ZHX2: variants seen among roughly 807,000 people sequenced by gnomAD.
ZHX2 encodes zinc fingers and homeoboxes protein 2.
In ZHX2, 6 loss-of-function variants were observed where a neutral mutation model predicts 21.9. That is an observed-to-expected ratio of 0.27 (90% CI 0.15 to 0.54). The LOEUF (loss-of-function observed/expected upper bound fraction) is 0.54, where lower values mean the gene tolerates loss of function less well. Among genes scored for constraint, ZHX2 ranks in the 20% least tolerant of loss-of-function variants. The pLI is 0.95. For synonymous variants in ZHX2, 434 were observed against 437.1 expected (o/e 0.99, Z 0.09); for missense variants, 908 against 1,090.7 (o/e 0.83, Z 2.36).
intron 2 of ZHX2, among the ~76,000 whole-genome samples, chr8:122,925,654 G>A (rs1165910893): frequency 6.6e-6 from 1 of 152,178 alleles, no homozygotes; most frequent in African/African-American, 2.4e-5. Context: ...GAGAGGGCTG[G>A]TTCAGGCAGA....
At chr8:122,841,462 C>T (rs1249051700) in intron 1 of ZHX2, among the ~76,000 whole-genome samples, 1 of 152,114 alleles carries the variant, frequency 6.6e-6, no homozygotes, top group Non-Finnish European at 1.5e-5. Context: ...GCAAAACCCA[C>T]CTCCTGCCTC....
At chr8:122,894,669 A>G (rs1820055617) in intron 2 of ZHX2, among the ~76,000 whole-genome samples, 1 of 152,172 alleles carries the variant, frequency 6.6e-6, no homozygotes, top group Non-Finnish European at 1.5e-5. Context: ...GCGGGGAGGG[A>G]TAGCATTAGG....
intron 1 of ZHX2, among the ~76,000 whole-genome samples, chr8:122,799,828 T>C (rs1817681777): frequency 6.6e-6 from 1 of 152,222 alleles, no homozygotes; most frequent in Non-Finnish European, 1.5e-5. Context: ...TAATGGGCAT[T>C]TACATTTACA....
intron 1 of ZHX2, among the ~76,000 whole-genome samples, chr8:122,799,091 C>T (rs1026306165): frequency 5.3e-5 from 8 of 152,326 alleles, no homozygotes; most frequent in Middle Eastern, 3.4e-3. Flanking sequence ...ATACCCGTGA[C>T]ACAAACAGCA....
At chr8:122,870,189 A>G (rs1485305666) in intron 2 of ZHX2, among the ~76,000 whole-genome samples, 2 of 152,186 alleles carry the variant, frequency 1.3e-5, no homozygotes, top group Admixed American at 6.5e-5. Flanking sequence ...GGGGGAGCAC[A>G]TGGCAATTGA....
chr8:122,846,998 G>A (rs1470220800), intron 1 of ZHX2, among the ~76,000 whole-genome samples: 1 of 152,038 alleles, frequency 6.6e-6, no homozygotes, highest in Non-Finnish European at 1.5e-5. Context: ...CTCAGAACAG[G>A]GCCTGCAATA....
intron 1 of ZHX2, among the ~76,000 whole-genome samples, chr8:122,855,713 GAAATT>G (rs950354474): frequency 1.6e-4 from 24 of 152,202 alleles, no homozygotes; most frequent in African/African-American, 4.6e-4. Flanking sequence ...GAAACCTCTG[GAAATT>G]TTATTTAGAC....
chr8:122,889,717 A>G (rs1286959718), intron 2 of ZHX2, among the ~76,000 whole-genome samples: 1 of 152,228 alleles, frequency 6.6e-6, no homozygotes, highest in Non-Finnish European at 1.5e-5. Flanking sequence ...TCTTTCAACC[A>G]AATAAAAACA....
rs1819858524 is a variant in ZHX2, at chr8:122,887,049, CCG to C, written c.-220+23511_-220+23512del. Among the ~76,000 whole-genome samples the C allele has an allele frequency of 1.0e-4, 11 of 110,530 alleles. No individual in the cohort carries two copies. In the South Asian group the frequency reaches 3.8e-3, roughly 38 times the overall value. The allele number at this position is 110,530 out of a possible 152,430, so 72.5% of individuals were successfully genotyped here. On this transcript the variant is annotated intron_variant, in intron 2 of 3. Coordinates refer to ENST00000314393, the MANE Select transcript of ZHX2 (RefSeq NM_014943.5). Reference sequence around the variant, plus strand: ...ATGTACCTGACACGGTGCTCTGCCACCGTGTGTGTGTGTGTGTGTGTGTGTGT... The same window carrying C: ...ATGTACCTGACACGGTGCTCTGCCACTGTGTGTGTGTGTGTGTGTGTGTGT...
intron 2 of ZHX2, among the ~76,000 whole-genome samples, chr8:122,940,806 A>C (rs1812822775): frequency 6.6e-6 from 1 of 152,230 alleles, no homozygotes; most frequent in African/African-American, 2.4e-5. Flanking sequence ...GGGATCAAGC[A>C]GCAGGCATGG....
At chr8:122,844,886 A>G (rs143415780) in intron 1 of ZHX2, among the ~76,000 whole-genome samples, 1 of 152,372 alleles carries the variant, frequency 6.6e-6, no homozygotes, top group African/African-American at 2.4e-5. Flanking sequence ...AGAACATAAG[A>G]CATGAAGTAG....
chr8:122,965,386 A>T (rs573663157), intron 3 of ZHX2, among the ~76,000 whole-genome samples: 1 of 152,000 alleles, frequency 6.6e-6, no homozygotes, highest in Non-Finnish European at 1.5e-5. Context: ...TTTAATTTCC[A>T]TCTTGATTTC....
chr8:122,851,131 C>G (rs1257946618), intron 1 of ZHX2, among the ~76,000 whole-genome samples: 1 of 152,064 alleles, frequency 6.6e-6, no homozygotes, highest in South Asian at 2.1e-4. Context: ...CTGGGGGGTG[C>G]GAGACGGGGG....
At position 122,932,403 on chromosome 8, in the gene ZHX2, G is replaced by A. The variant is rs1047383523; in HGVS notation, c.-219-18889G>A. On this transcript the variant is annotated intron_variant, in intron 2 of 3. Transcript: ENST00000314393. Reference sequence around the variant, plus strand: ...GGGCCGGCTCCTTCTGGAGGCTTCAGGGAGAATCTGTTTCCTTGCCTTCTC... The same window carrying A: ...GGGCCGGCTCCTTCTGGAGGCTTCAAGGAGAATCTGTTTCCTTGCCTTCTC... Among the ~76,000 whole-genome samples, 18 of 152,234 alleles carry A rather than the reference G, an allele frequency of 1.2e-4. 1 individual carries two copies. Among genetic ancestry groups the A allele is most frequent in the Non-Finnish European group, 2.2e-4 (15 of 68,040 alleles).
chr8:122,917,681 G>A (rs965543544), intron 2 of ZHX2, among the ~76,000 whole-genome samples: 1 of 152,182 alleles, frequency 6.6e-6, no homozygotes, highest in African/African-American at 2.4e-5. Context: ...TCTTAAGTCA[G>A]GGTATGTGCC....
chr8:122,943,244 A>T (rs922406315), intron 2 of ZHX2, among the ~76,000 whole-genome samples: 1 of 152,110 alleles, frequency 6.6e-6, no homozygotes, highest in Admixed American at 6.6e-5. Context: ...CCTGGGCAAA[A>T]GAGGGAAACT....
In ZHX2 at chr8:122,952,493, A is replaced by G; in HGVS notation, c.983A>G (p.Glu328Gly). The G allele has an allele frequency of 6.2e-7, 1 of 1,614,090 alleles. No individual in the cohort carries two copies. Among genetic ancestry groups the G allele is most frequent in the Non-Finnish European group, 8.5e-7 (1 of 1,180,004 alleles). Residue 328 changes from glutamate to glycine, a missense_variant, in exon 3 of 4, where the codon GAG becomes GGG. Physicochemically the swap from Glu to Gly is moderately conservative, Grantham distance 98. Coordinates refer to ENST00000314393, the MANE Select transcript of ZHX2 (RefSeq NM_014943.5). The surrounding 1 kb of genome is among the most constrained non-coding windows in gnomAD (Gnocchi z 6.9). The part of the protein sequence containing the change: ...GISWSPEEVE[E>G]ARKKMFNGTI... ...AGCTGGTCCCCAGAAGAGGTGGAGG[A>G]GGCCCGGAAGAAGATGTTCAACGGC...
intron 1 of ZHX2, among the ~76,000 whole-genome samples, chr8:122,787,634 G>T (rs1385707554): frequency 6.6e-6 from 1 of 152,212 alleles, no homozygotes; most frequent in Non-Finnish European, 1.5e-5. Context: ...CTGGGGCTTC[G>T]GGGAGTAGCC....
At chr8:122,799,677 G>A (rs117647078) in intron 1 of ZHX2, among the ~76,000 whole-genome samples, 2 of 152,126 alleles carry the variant, frequency 1.3e-5, no homozygotes, top group Non-Finnish European at 2.9e-5. Flanking sequence ...AAGGCTGAGG[G>A]CTCAGCCTCT....
Sources: allele counts gnomAD v4.1 joint callset (sites outside exome capture counted in the v4.1 genomes callset), GRCh38; gene constraint gnomAD v4.1.1; non-coding constraint Gnocchi (gnomAD v3.1); transcripts MANE v1.5; gene names NCBI Gene and HGNC (gene_info 2026-07-23, HGNC 2026-07-21).